Variants in DDTL observed in about 807,000 individuals in gnomAD.
The protein encoded by DDTL is D-dopachrome tautomerase like.
A neutral mutation model predicts 1.1 loss-of-function variants in DDTL; 1 was observed. That is an observed-to-expected ratio of 0.91 (90% CI 0.32 to 4.31). The LOEUF (loss-of-function observed/expected upper bound fraction) is 4.31. Among genes scored for constraint, DDTL ranks in the 30% most tolerant of loss-of-function variants. The pLI is 0.17. For synonymous variants in DDTL, 21 were observed against 16.6 expected (o/e 1.26, Z -0.64); for missense variants, 54 against 48.9 (o/e 1.10, Z -0.31).
Position 23,969,900 on chromosome 22 carries a change from T to C in DDTL, c.285-1386T>C, listed in dbSNP as rs116050742. On this transcript the variant is annotated intron_variant, in intron 2 of 2. Transcript: ENST00000215770. The stretch of plus-strand genomic sequence containing the variant: ...AAAGTTAAACAGTCAGTCCCAGTGC[T>C]GTGTAGGTGGCAGTAAGTCTGGGAG... 798 of 982,160 alleles carry C rather than the reference T, an allele frequency of 8.1e-4. 5 individuals carry two copies. In the African/African-American group the frequency reaches 0.012, roughly 15 times the overall value. 60.8% of individuals were successfully genotyped at this position (982,160 alleles called of 1,614,324 possible).
At chr22:23,969,561 G>A in intron 2 of DDTL, 1 of 977,884 alleles carries the variant, frequency 1.0e-6, no homozygotes, top group Middle Eastern at 5.2e-4. Context: ...CTCATTACCG[G>A]GATGAGCACT....
At position 23,971,408 on chromosome 22, in the gene DDTL, G is replaced by T. The variant is rs1038342504; in HGVS notation, c.*2G>T. On this transcript the variant is annotated 3_prime_UTR_variant, in exon 3 of 3. Transcript: ENST00000215770. ...GCTCTCTTCATTTATTTCATATGAG[G>T]ATGAAGAAGAGGATTATGTGATCAC... The T allele has an allele frequency of 1.9e-6, 3 of 1,613,146 alleles. No homozygotes were observed. Among genetic ancestry groups the T allele is most frequent in the South Asian group, 2.2e-5 (2 of 90,944 alleles).
chr22:23,969,892 C>T, intron 2 of DDTL: 1 of 983,310 alleles, frequency 1.0e-6, no homozygotes, highest in Non-Finnish European at 1.2e-6. Flanking sequence ...AACAGTCAGT[C>T]CCAGTGCTGT....
chr22:23,969,253 A>C, intron 2 of DDTL: 1 of 985,488 alleles, frequency 1.0e-6, no homozygotes, highest in Non-Finnish European at 1.2e-6. Context: ...TCCTCACTGA[A>C]AACTGCTGTC....
At position 23,972,285 on chromosome 22, in the gene DDTL, G is replaced by A. The variant is rs890575562; in HGVS notation, c.*879G>A. 1 of 908,170 alleles carries A rather than the reference G, an allele frequency of 1.1e-6. No individual in the cohort carries two copies. Among genetic ancestry groups the A allele is most frequent in the East Asian group, 1.2e-4 (1 of 8,070 alleles). 56.3% of individuals were successfully genotyped at this position (908,170 alleles called of 1,614,324 possible). On this transcript the variant is annotated 3_prime_UTR_variant, in exon 3 of 3. Coordinates refer to ENST00000215770, the MANE Select transcript of DDTL (RefSeq NM_001084393.2). ...GTACCTGTAGAGGACCTAGCACATG[G>A]TAAGTGTATAACACTTGTTGTTAGA...
intron 2 of DDTL, chr22:23,969,803 C>T: frequency 2.0e-6 from 2 of 985,888 alleles, no homozygotes; most frequent in Non-Finnish European, 2.4e-6. Flanking sequence ...ATGCTGGCTG[C>T]CTTTGGATTG....
At chr22:23,969,538 G>A (rs996949615) in intron 2 of DDTL, 2 of 985,728 alleles carry the variant, frequency 2.0e-6, no homozygotes, top group Non-Finnish European at 2.4e-6. Context: ...GCCCTGCTGG[G>A]GGTTGGGGAA....
In DDTL at chr22:23,972,311, G is replaced by A; in HGVS notation, c.*905G>A. ...TAAGTGTATAACACTTGTTGTTAGA[G>A]TAACAGTTTTCCCTGAGTATCCGTG... On this transcript the variant is annotated 3_prime_UTR_variant, in exon 3 of 3. Transcript: ENST00000215770. 1.2e-6 allele frequency: 1 copy of A among 801,740 alleles called. No homozygotes were observed. Among genetic ancestry groups the A allele is most frequent in the African/African-American group, 1.9e-5 (1 of 52,530 alleles). The allele number at this position is 801,740 out of a possible 1,614,324, so 49.7% of individuals were successfully genotyped here. A position where few individuals can be genotyped will look rare whatever the true frequency, so the allele number is the denominator to read the frequency against.
chr22:23,969,454 C>T, intron 2 of DDTL: 3 of 986,336 alleles, frequency 3.0e-6, no homozygotes, highest in African/African-American at 1.7e-5. Flanking sequence ...CACGATGAGG[C>T]TACTGTGTTG....
Position 23,972,072 on chromosome 22 carries a change from A to C in DDTL, c.*666A>C. 1 of 692,632 alleles carries C rather than the reference A, an allele frequency of 1.4e-6. No homozygotes were observed. The highest frequency in any genetic ancestry group is 1.8e-6 in the Non-Finnish European group (1 of 562,826). 42.9% of individuals were successfully genotyped at this position (692,632 alleles called of 1,614,324 possible). The stretch of plus-strand genomic sequence containing the variant: ...CATGCCCCTCTCAGAGGTAACAGCA[A>C]GTTTCCAGTGAGGAAAACCAGAACT... On this transcript the variant is annotated 3_prime_UTR_variant, in exon 3 of 3. Transcript: ENST00000215770.
rs1182800258 is a variant in DDTL, at chr22:23,972,454, A to C, written c.*1048A>C. ...ACACATCCTCTCATATACTTTAAAT[A>C]ATCTCTGGGTTACTTATAATACCTA... On this transcript the variant is annotated 3_prime_UTR_variant, in exon 3 of 3. Transcript: ENST00000215770. The C allele has an allele frequency of 6.8e-6, 1 of 146,494 alleles. No individual in the cohort carries two copies. Among genetic ancestry groups the C allele is most frequent in the African/African-American group, 2.5e-5 (1 of 39,644 alleles). 9.1% of individuals were successfully genotyped at this position (146,494 alleles called of 1,614,324 possible). A position where few individuals can be genotyped will look rare whatever the true frequency, so the allele number is the denominator to read the frequency against.
At chr22:23,969,203 A>G in intron 2 of DDTL, 1 of 985,216 alleles carries the variant, frequency 1.0e-6, no homozygotes, top group Non-Finnish European at 1.2e-6. Context: ...GGCTCTTCAT[A>G]CTCCCCCGCC....
At chr22:23,969,206 C>T (rs1456814591) in intron 2 of DDTL, 153 of 985,362 alleles carry the variant, frequency 1.6e-4, no homozygotes, top group Non-Finnish European at 1.8e-4. Context: ...TCTTCATACT[C>T]CCCCGCCCTC....
rs759224342 is a variant in DDTL at position 23,971,554 on chromosome 22, TAAA to T, written c.*152_*154del. On this transcript the variant is annotated 3_prime_UTR_variant, in exon 3 of 3. Coordinates refer to ENST00000215770, the MANE Select transcript of DDTL (RefSeq NM_001084393.2). ...CCCTGGATCCCTCCGTGCCCAATCA[TAAA>T]AAAGTCATGACCGTCCCTATCTTGC... The T allele has an allele frequency of 2.5e-6, 4 of 1,613,848 alleles. No individual in the cohort carries two copies. The highest frequency in any genetic ancestry group is 3.4e-6 in the Non-Finnish European group (4 of 1,179,962).
At chr22:23,970,692 C>T (rs2033885610) in intron 2 of DDTL, among the ~76,000 whole-genome samples, 2 of 152,010 alleles carry the variant, frequency 1.3e-5, no homozygotes, top group African/African-American at 4.8e-5. Context: ...TGACTAGATG[C>T]GGGTGGATGT....
Position 23,972,474 on chromosome 22 carries a change from T to C in DDTL, c.*1068T>C, listed in dbSNP as rs1443174298. 1.3e-5 allele frequency: 2 copies of C among 150,074 alleles called. No individual in the cohort carries two copies. Among genetic ancestry groups the C allele is most frequent in the African/African-American group, 2.5e-5 (1 of 40,514 alleles). 9.3% of individuals were successfully genotyped at this position (150,074 alleles called of 1,614,324 possible). A position where few individuals can be genotyped will look rare whatever the true frequency, so the allele number is the denominator to read the frequency against. On this transcript the variant is annotated 3_prime_UTR_variant, in exon 3 of 3. Transcript: ENST00000215770. ...TAAATAATCTCTGGGTTACTTATAA[T>C]ACCTAATATAATGTACGTACTATGT... is the stretch of plus-strand genomic sequence containing the variant.
Position 23,971,572 on chromosome 22 carries a change from C to G in DDTL, c.*166C>G, listed in dbSNP as rs2033902629. On this transcript the variant is annotated 3_prime_UTR_variant, in exon 3 of 3. Coordinates refer to ENST00000215770, the MANE Select transcript of DDTL (RefSeq NM_001084393.2). ...CCAATCATAAAAAAGTCATGACCGT[C>G]CCTATCTTGCCAATCTGCCAGGACT... 1.2e-6 allele frequency: 2 copies of G among 1,614,154 alleles called. No individual in the cohort carries two copies. The highest frequency in any genetic ancestry group is 4.5e-5 in the East Asian group (2 of 44,880).
rs9612528 is a variant in DDTL at position 23,972,069 on chromosome 22, G to C, written c.*663G>C. The C allele has an allele frequency of 6.1e-6, 4 of 654,496 alleles. 1 individual carries two copies. The East Asian group carries it at 4.3e-4, about 70-fold the overall frequency. The allele number at this position is 654,496 out of a possible 1,614,324, so 40.5% of individuals were successfully genotyped here. On this transcript the variant is annotated 3_prime_UTR_variant, in exon 3 of 3. Transcript: ENST00000215770. The stretch of plus-strand genomic sequence containing the variant: ...GAACATGCCCCTCTCAGAGGTAACA[G>C]CAAGTTTCCAGTGAGGAAAACCAGA...
At chr22:23,970,304 ATG>A (rs1174899636) in intron 2 of DDTL, among the ~76,000 whole-genome samples, 1 of 152,136 alleles carries the variant, frequency 6.6e-6, no homozygotes, top group Non-Finnish European at 1.5e-5. Context: ...GTGGGTGTAT[ATG>A]TGTGTGATGT....
Sources: gnomAD v4.1 joint callset for allele counts (sites outside exome capture counted in the v4.1 genomes callset) on GRCh38, gnomAD v4.1.1 for gene constraint, MANE v1.5 for transcripts, NCBI Gene and HGNC (gene_info 2026-07-23, HGNC 2026-07-21) for gene names.